Variants in CCDC192 observed in about 807,000 individuals in gnomAD.
The protein encoded by CCDC192 is coiled-coil domain containing 192.
In CCDC192 at chr5:127,909,190, G is replaced by A. The variant is rs139698185; in HGVS notation, c.536-31992G>A. 5.4e-3 allele frequency among the ~76,000 whole-genome samples: 828 copies of A among 152,276 alleles called. 10 individuals are homozygous for A. The highest frequency in any genetic ancestry group is 0.019 in the African/African-American group (793 of 41,558). ...CCTGGGCGAGAGCAGTGGACAGGGA[G>A]ATACACACCCAGGTGGGTCTGGGGC... is the stretch of plus-strand genomic sequence containing the variant. On this transcript the variant is annotated intron_variant, in intron 6 of 6. Coordinates refer to ENST00000514853, the MANE Select transcript of CCDC192 (RefSeq NM_001317938.2).
At chr5:127,744,774 C>T (rs1006055604) in intron 2 of CCDC192, among the ~76,000 whole-genome samples, 2 of 152,142 alleles carry the variant, frequency 1.3e-5, no homozygotes, top group Non-Finnish European at 2.9e-5. Flanking sequence ...AAATTATTCT[C>T]TTTAAAGGAA....
At chr5:127,810,722 A>C (rs1252476612) in intron 5 of CCDC192, among the ~76,000 whole-genome samples, 1 of 152,212 alleles carries the variant, frequency 6.6e-6, no homozygotes, top group Non-Finnish European at 1.5e-5. Flanking sequence ...CCTCACTAAT[A>C]ACCTGACAGT....
chr5:127,912,413 G>A (rs1180024351), intron 6 of CCDC192, among the ~76,000 whole-genome samples: 1 of 24,784 alleles, frequency 4.0e-5, no homozygotes, highest in South Asian at 8.5e-4. Context: ...AGATTCCTGG[G>A]TTTAGCAAAA....
intron 2 of CCDC192, among the ~76,000 whole-genome samples, chr5:127,729,932 A>C (rs1395807115): frequency 6.6e-6 from 1 of 152,196 alleles, no homozygotes; most frequent in Non-Finnish European, 1.5e-5. Flanking sequence ...AAAGATCTCA[A>C]ATCGACATCG....
chr5:127,920,794 C>CTT (rs1164958684), intron 6 of CCDC192, among the ~76,000 whole-genome samples: 1 of 151,950 alleles, frequency 6.6e-6, no homozygotes, highest in Non-Finnish European at 1.5e-5. Context: ...GGAGTGGTGG[C>CTT]TTATGCCTGT....
chr5:127,800,344 A>G (rs1454002342), intron 5 of CCDC192, among the ~76,000 whole-genome samples: 12 of 148,682 alleles, frequency 8.1e-5, no homozygotes, highest in Non-Finnish European at 1.6e-4. Flanking sequence ...GTCCCTGAAA[A>G]AAACATTCCA....
At chr5:127,764,698 A>G (rs1755119985) in intron 3 of CCDC192, among the ~76,000 whole-genome samples, 2 of 152,082 alleles carry the variant, frequency 1.3e-5, no homozygotes, top group Admixed American at 6.6e-5. Flanking sequence ...GTCTTGGGGC[A>G]CTTGTAAAAT....
chr5:127,815,545 G>T (rs141555030), intron 5 of CCDC192, among the ~76,000 whole-genome samples: 48 of 152,172 alleles, frequency 3.2e-4, no homozygotes, highest in African/African-American at 1.1e-3. Context: ...CTTCCAGATT[G>T]CCCACAGGAG....
Position 127,775,740 on chromosome 5 carries a change from G to T in CCDC192, c.223-21363G>T, listed in dbSNP as rs536027527. 3.3e-5 allele frequency among the ~76,000 whole-genome samples: 5 copies of T among 152,276 alleles called. No homozygotes were observed. The South Asian group carries it at 1.0e-3, about 32-fold the overall frequency. ...CATAATTCCCACATGTTGTGGGAGGGACCTGGTGGGAGATAATTGAATTAT... is the reference window on the plus strand; with the variant it reads ...CATAATTCCCACATGTTGTGGGAGGTACCTGGTGGGAGATAATTGAATTAT... On this transcript the variant is annotated intron_variant, in intron 3 of 6. Transcript: ENST00000514853.
At chr5:127,778,384 T>C (rs550777968) in intron 3 of CCDC192, among the ~76,000 whole-genome samples, 4 of 152,344 alleles carry the variant, frequency 2.6e-5, no homozygotes, top group African/African-American at 7.2e-5. Flanking sequence ...GTAGTATTTT[T>C]CCTCTATTCT....
At chr5:127,860,616 G>A (rs1235499725) in intron 5 of CCDC192, among the ~76,000 whole-genome samples, 1 of 152,058 alleles carries the variant, frequency 6.6e-6, no homozygotes, top group Non-Finnish European at 1.5e-5. Context: ...AATAAAGAGA[G>A]CTATTGAGCA....
intron 2 of CCDC192, among the ~76,000 whole-genome samples, chr5:127,753,333 AGGCC>A (rs1754351801): frequency 1.3e-5 from 2 of 152,198 alleles, no homozygotes; most frequent in Non-Finnish European, 2.9e-5. Context: ...AATCTCACAA[AGGCC>A]TGTACCTTGT....
chr5:127,852,363 C>G (rs1358058001), intron 5 of CCDC192, among the ~76,000 whole-genome samples: 1 of 152,144 alleles, frequency 6.6e-6, no homozygotes, highest in Non-Finnish European at 1.5e-5. Context: ...GGGTGTAGCC[C>G]TTAAGGGGAG....
rs369541378 is a variant in CCDC192, at chr5:127,766,115, C to T, written c.222+11740C>T. Among the ~76,000 whole-genome samples, 4 of 152,114 alleles carry T rather than the reference C, an allele frequency of 2.6e-5. No individual in the cohort carries two copies. In the East Asian group the frequency reaches 7.7e-4, roughly 29 times the overall value. On this transcript the variant is annotated intron_variant, in intron 3 of 6. Coordinates refer to ENST00000514853, the MANE Select transcript of CCDC192 (RefSeq NM_001317938.2). ...GGGATGATTTTAAATTTATAGCACA[C>T]CCAGGCAGATAAATGCCTTTTTCAG...
chr5:127,891,304 T>C (rs1475406398), intron 6 of CCDC192, among the ~76,000 whole-genome samples: 2 of 152,214 alleles, frequency 1.3e-5, no homozygotes, highest in Non-Finnish European at 2.9e-5. Flanking sequence ...TCCGCCTGCC[T>C]TGGCCTCCCA....
chr5:127,876,444 C>T (rs1035818255), intron 6 of CCDC192, among the ~76,000 whole-genome samples: 7 of 152,212 alleles, frequency 4.6e-5, no homozygotes, highest in Admixed American at 4.6e-4. Flanking sequence ...TACCTTGCCA[C>T]TGCACAAGCA....
At position 127,713,195 on chromosome 5, in the gene CCDC192, T is replaced by C. The variant is rs533373523; in HGVS notation, c.114+5435T>C. ...GTTGCAGTGAGCTGAGATCACACCA[T>C]TGGACTCCAGCCTGGGCAACAACAG... On this transcript the variant is annotated intron_variant, in intron 2 of 6. Transcript: ENST00000514853. Among the ~76,000 whole-genome samples the C allele has an allele frequency of 5.2e-4, 79 of 152,010 alleles. 1 individual carries two copies. The highest frequency in any genetic ancestry group is 1.9e-3 in the African/African-American group (77 of 41,466).
intron 3 of CCDC192, among the ~76,000 whole-genome samples, chr5:127,775,222 C>G (rs1250097050): frequency 6.6e-6 from 1 of 152,144 alleles, no homozygotes; most frequent in Admixed American, 6.5e-5. Flanking sequence ...AGTAAACAGT[C>G]CAAAGCCCAC....
intron 2 of CCDC192, among the ~76,000 whole-genome samples, chr5:127,732,496 T>C (rs1198848777): frequency 2.0e-5 from 3 of 152,208 alleles, no homozygotes; most frequent in Non-Finnish European, 4.4e-5. Context: ...TTACTAGGTA[T>C]ATACCCAGAG....
Sources: allele counts gnomAD v4.1 joint callset (sites outside exome capture counted in the v4.1 genomes callset), GRCh38; gene constraint gnomAD v4.1.1; transcripts MANE v1.5; gene names NCBI Gene and HGNC (gene_info 2026-07-23, HGNC 2026-07-21).